CBFA2T3: variants seen among roughly 807,000 people sequenced by gnomAD.
The protein encoded by CBFA2T3 is CBFA2/RUNX1 partner transcriptional co-repressor 3, also known as transcriptional corepressor CBFA2T3.
A neutral mutation model predicts 58.6 loss-of-function variants in CBFA2T3; 31 were observed. The ratio of observed to expected loss-of-function variants is 0.53; its 90% confidence interval spans 0.40 to 0.71. The LOEUF (loss-of-function observed/expected upper bound fraction) is 0.71, where lower values mean the gene tolerates loss of function less well. CBFA2T3 is among the 30% of genes least tolerant of loss of function. The pLI is 0.00. For missense variants in CBFA2T3, 1,076 were observed against 963.1 expected (o/e 1.12, Z -1.55); for synonymous variants, 531 against 421.9 (o/e 1.26, Z -3.17).
chr16:88,916,019 C>T (rs559144152), intron 1 of CBFA2T3, among the ~76,000 whole-genome samples: 1 of 151,890 alleles, frequency 6.6e-6, no homozygotes, highest in South Asian at 2.1e-4. Flanking sequence ...GGTGTGTGTC[C>T]GTGTGTATAT....
At chr16:88,972,892 C>T (rs1972689517) in intron 1 of CBFA2T3, among the ~76,000 whole-genome samples, 1 of 152,216 alleles carries the variant, frequency 6.6e-6, no homozygotes, top group African/African-American at 2.4e-5. Context: ...AGACACAGGT[C>T]TGACAGCTAC....
chr16:88,943,204 G>A (rs1363776576), intron 1 of CBFA2T3, among the ~76,000 whole-genome samples: 1 of 152,356 alleles, frequency 6.6e-6, no homozygotes, highest in Non-Finnish European at 1.5e-5. Flanking sequence ...GAAGTCAGTC[G>A]GGTTGTGAGC....
chr16:88,973,267 G>A (rs1972702770), intron 1 of CBFA2T3, among the ~76,000 whole-genome samples: 1 of 152,238 alleles, frequency 6.6e-6, no homozygotes, highest in Admixed American at 6.5e-5. Context: ...CTTAGAAGAA[G>A]GAGGCAGAGG....
At chr16:88,877,320 C>A in intron 11 of CBFA2T3, 45 bp from the exon 12 acceptor site, 2 of 1,479,742 alleles carry the variant, frequency 1.4e-6, no homozygotes, top group Non-Finnish European at 1.8e-6. Flanking sequence ...TCTGGCCACC[C>A]GAATCCCCAA....
chr16:88,951,268 G>A (rs1972064788), intron 1 of CBFA2T3: 2 of 455,776 alleles, frequency 4.4e-6, no homozygotes, highest in South Asian at 3.1e-5. Flanking sequence ...TTCCGGGTCT[G>A]TTCACCCGTC....
chr16:88,951,387 C>G (rs1166543516), intron 1 of CBFA2T3: 1 of 453,740 alleles, frequency 2.2e-6, no homozygotes, highest in Non-Finnish European at 4.5e-6. Context: ...CCTTATCATA[C>G]AATTCTTTGA....
intron 1 of CBFA2T3, among the ~76,000 whole-genome samples, chr16:88,942,747 G>C (rs1330857718): frequency 1.3e-5 from 2 of 152,218 alleles, no homozygotes; most frequent in Non-Finnish European, 1.5e-5. Flanking sequence ...TGAAAATTGT[G>C]ACACAAACGC....
At chr16:88,879,246 G>A in intron 11 of CBFA2T3, 24 bp downstream of exon 11, 1 of 1,569,254 alleles carries the variant, frequency 6.4e-7, no homozygotes, top group Non-Finnish European at 8.7e-7. Context: ...GGGGATGGGT[G>A]TCAGCGTGGC....
chr16:88,962,878 C>G (rs530975420), intron 1 of CBFA2T3, among the ~76,000 whole-genome samples: 2 of 152,308 alleles, frequency 1.3e-5, no homozygotes, highest in African/African-American at 4.8e-5. Flanking sequence ...CAGGTCCACT[C>G]GGAAGGGAGC....
chr16:88,909,746 C>T lies in CBFA2T3; in HGVS notation c.152-8090G>A, dbSNP rs991768700. On this transcript the variant is annotated intron_variant, in intron 1 of 11. Transcript: ENST00000268679. ...GCCTCCTCACAGCCCCGGAGATGGA[C>T]GACCCCGCACCCACGCTGCCCCTGA... Among the ~76,000 whole-genome samples, 11 of 152,276 alleles carry T rather than the reference C, an allele frequency of 7.2e-5. No homozygotes were observed. The South Asian group carries it at 1.7e-3, about 23-fold the overall frequency.
intron 1 of CBFA2T3, among the ~76,000 whole-genome samples, chr16:88,932,232 T>A (rs71372777): frequency 4.4e-5 from 2 of 45,008 alleles, no homozygotes; most frequent in African/African-American, 1.6e-4. Flanking sequence ...CCCCCTCACA[T>A]GGCCCCCGCT....
intron 1 of CBFA2T3, among the ~76,000 whole-genome samples, chr16:88,916,152 G>A (rs959491915): frequency 4.6e-5 from 7 of 151,428 alleles, no homozygotes; most frequent in Non-Finnish European, 8.8e-5. Flanking sequence ...GGGTGTGTGT[G>A]CATGTGTATT....
chr16:88,918,623 G>T (rs1020052833), intron 1 of CBFA2T3, among the ~76,000 whole-genome samples: 1 of 152,278 alleles, frequency 6.6e-6, no homozygotes, highest in Non-Finnish European at 1.5e-5. Flanking sequence ...AGGAGGCTGG[G>T]TGGCCTCCAA....
At chr16:88,946,617 G>T (rs552587919) in intron 1 of CBFA2T3, among the ~76,000 whole-genome samples, 4 of 151,710 alleles carry the variant, frequency 2.6e-5, no homozygotes, top group African/African-American at 9.7e-5. Context: ...CGAGTAGCTG[G>T]GATTACAGGC....
At position 88,885,983 on chromosome 16, in the gene CBFA2T3, C is replaced by A; in HGVS notation, c.871G>T (p.Gly291Cys). The change falls in exon 6 of 12, where the codon GGC becomes TGC. Residue 291 changes from glycine to cysteine, a missense_variant. By Grantham distance (159) the Gly-to-Cys change is radical. Transcript: ENST00000268679. The surrounding 1 kb of genome is among the most constrained non-coding windows in gnomAD (Gnocchi z 5.3). ...TACCTGTCGGGCGTCCTCCTCTTGCCGTTCTCGTTGACTTCCAGTAGCAGC... is the reference window on the plus strand; with the variant it reads ...TACCTGTCGGGCGTCCTCCTCTTGCAGTTCTCGTTGACTTCCAGTAGCAGC... The part of the protein sequence containing the change: ...SELLLEVNEN[G>C]KRRTPDRTKE... The A allele has an allele frequency of 2.6e-6, 4 of 1,551,592 alleles. No individual in the cohort carries two copies. Among genetic ancestry groups the A allele is most frequent in the Non-Finnish European group, 3.5e-6 (4 of 1,148,406 alleles).
intron 3 of CBFA2T3, among the ~76,000 whole-genome samples, chr16:88,896,707 G>A (rs971105412): frequency 2.0e-5 from 3 of 152,182 alleles, no homozygotes; most frequent in South Asian, 2.1e-4. Flanking sequence ...TCCAGAACAC[G>A]AGGGACTGTC....
chr16:88,915,205 G>C (rs1970656439), intron 1 of CBFA2T3, among the ~76,000 whole-genome samples: 1 of 128,276 alleles, frequency 7.8e-6, no homozygotes, highest in South Asian at 2.8e-4. Context: ...CGTGGGTGTG[G>C]GGTGGGGAGG....
intron 5 of CBFA2T3, 98 bp downstream of exon 5, chr16:88,891,784 C>T: frequency 2.4e-6 from 2 of 831,936 alleles, no homozygotes; most frequent in South Asian, 3.0e-5. Context: ...CACTTAAGCC[C>T]CTTCCCGCCT....
chr16:88,939,349 CCT>C (rs1301154075), intron 1 of CBFA2T3: 2 of 152,328 alleles, frequency 1.3e-5, no homozygotes, highest in Non-Finnish European at 2.9e-5. Context: ...TCCCTTCTCC[CCT>C]GTCACTAGAG....
Sources: allele counts gnomAD v4.1 joint callset (sites outside exome capture counted in the v4.1 genomes callset), GRCh38; gene constraint gnomAD v4.1.1; non-coding constraint Gnocchi (gnomAD v3.1); transcripts MANE v1.5; gene names NCBI Gene and HGNC (gene_info 2026-07-23, HGNC 2026-07-21).